The following CNOT8 variants were observed in gnomAD, a reference collection of about 807,000 sequenced individuals.
The protein encoded by CNOT8 is CAF1-like protein.
Under a neutral mutation model 34.6 loss-of-function variants are expected in CNOT8, and 18 were observed. The ratio of observed to expected loss-of-function variants is 0.52; its 90% CI spans 0.36 to 0.77. The LOEUF is 0.77. Among genes scored for constraint, CNOT8 ranks in the 30% least tolerant of loss-of-function variants. CNOT8 has a pLI of 0.00. For missense variants in CNOT8, 189 were observed against 347.9 expected, an observed-to-expected ratio of 0.54 and a Z score of 3.63; for synonymous variants, 101 against 118.8, an observed-to-expected ratio of 0.85 and a Z score of 0.98.
rs770874865 is a variant in CNOT8, at chr5:154,870,641, A to C, written c.312-20A>C. On this transcript the variant is annotated intron_variant, in intron 3 of 6. Coordinates refer to ENST00000285896, the MANE Select transcript of CNOT8 (RefSeq NM_001301073.2). ...TGTTTCATTATTCACCAGTTAATAAATAAACACCTTGTTTTTTAGAGAGGA... is the reference window on the plus strand; with the variant it reads ...TGTTTCATTATTCACCAGTTAATAACTAAACACCTTGTTTTTTAGAGAGGA... 4.4e-6 allele frequency: 7 copies of C among 1,601,598 alleles called. No homozygotes were observed. Among genetic ancestry groups the C allele is most frequent in the Non-Finnish European group, 6.0e-6 (7 of 1,172,134 alleles).
chr5:154,868,286 T>TTG, intron 3 of CNOT8, among the ~76,000 whole-genome samples: 1 of 122,238 alleles, frequency 8.2e-6, no homozygotes. Flanking sequence ...TTTTTTTTTT[T>TTG]GAGGTAATGT....
chr5:154,869,657 G>A (rs1161596173), intron 3 of CNOT8, among the ~76,000 whole-genome samples: 6 of 139,166 alleles, frequency 4.3e-5, no homozygotes, highest in Non-Finnish European at 6.1e-5. Context: ...AGGGAGTCTC[G>A]CTCTGTCATC....
chr5:154,874,567 C>G (rs886357671), intron 6 of CNOT8, among the ~76,000 whole-genome samples: 21 of 152,128 alleles, frequency 1.4e-4, no homozygotes, highest in African/African-American at 5.1e-4. Flanking sequence ...CGGAGTCTTG[C>G]ATTGTCACCC....
intron 3 of CNOT8, among the ~76,000 whole-genome samples, chr5:154,867,199 T>C (rs1170854511): frequency 6.6e-6 from 1 of 152,218 alleles, no homozygotes; most frequent in Non-Finnish European, 1.5e-5. Flanking sequence ...GATATATCTT[T>C]AGAGTGGAAT....
chr5:154,861,937 A>T (rs956085438), intron 1 of CNOT8, among the ~76,000 whole-genome samples: 2 of 152,160 alleles, frequency 1.3e-5, no homozygotes, highest in African/African-American at 4.8e-5. Flanking sequence ...TGACCTTGTG[A>T]TCCGCCCGCC....
chr5:154,861,342 T>C (rs1761318580), intron 1 of CNOT8, among the ~76,000 whole-genome samples: 1 of 152,214 alleles, frequency 6.6e-6, no homozygotes, highest in South Asian at 2.1e-4. Context: ...AGATGCCACA[T>C]AGTCTACTTA....
intron 1 of CNOT8, among the ~76,000 whole-genome samples, chr5:154,861,784 T>G (rs1761366402): frequency 6.6e-6 from 1 of 152,184 alleles, no homozygotes; most frequent in Admixed American, 6.5e-5. Context: ...CTGCAACCTC[T>G]GCCTCCTGGG....
intron 6 of CNOT8, among the ~76,000 whole-genome samples, chr5:154,874,421 CAAAAA>C (rs1252283805): frequency 6.6e-6 from 1 of 151,792 alleles, no homozygotes; most frequent in Non-Finnish European, 1.5e-5. Context: ...ATTAAAAGTA[CAAAAA>C]TTAGTCAGGT....
At chr5:154,863,129 A>G (rs1761513689) in intron 1 of CNOT8, 78 bp from the exon 2 acceptor site, 1 of 631,992 alleles carries the variant, frequency 1.6e-6, no homozygotes, top group Admixed American at 2.6e-5. Context: ...ATTGTAAAAT[A>G]TTATTTTGAT....
chr5:154,870,432 A>G (rs778006077), intron 3 of CNOT8: 36 of 355,718 alleles, frequency 1.0e-4, no homozygotes, highest in Non-Finnish European at 1.5e-4. Flanking sequence ...TATACCTATT[A>G]TAATTAGGAA....
chr5:154,875,377 G>A lies in CNOT8; in HGVS notation c.817G>A (p.Asp273Asn), dbSNP rs2113418936. The change falls in exon 7 of 7, where the codon GAT (aspartate) becomes AAT (asparagine). Residue 273 changes from aspartate to asparagine, a missense_variant. Physicochemically the swap from Asp to Asn is conservative, Grantham distance 23. This residue lies in a region of CNOT8 where 29 missense variants were observed against 26.1 expected (regional missense o/e 1.11). Transcript: ENST00000285896. ...AGGAGTGGCCCAGAAGCAGAATGAG[G>A]ATGTGGACTCTGCCCAGGAGAAGAT... is the stretch of plus-strand genomic sequence containing the variant. ...GTGVAQKQNE[D>N]VDSAQEKMSI... 3 of 1,614,112 alleles carry A rather than the reference G, an allele frequency of 1.9e-6. No individual in the cohort carries two copies. The South Asian group carries it at 3.3e-5, about 18-fold the overall frequency.
chr5:154,870,390 GT>G (rs59523415), intron 3 of CNOT8: 10,379 of 201,358 alleles, frequency 0.052, no homozygotes, highest in South Asian at 0.11. Context: ...GGTGTTATTG[GT>G]TTTTTTTTTT....
intron 6 of CNOT8, among the ~76,000 whole-genome samples, chr5:154,873,778 T>C (rs927495752): frequency 5.9e-5 from 9 of 152,240 alleles, no homozygotes; most frequent in African/African-American, 2.2e-4. Flanking sequence ...CATGTGTTGG[T>C]AAATGTTCTA....
chr5:154,865,367 A>T lies in CNOT8; in HGVS notation c.293A>T (p.Asn98Ile). The change falls in exon 3 of 7, where the codon AAT becomes ATT. Residue 98 changes from asparagine (N) to isoleucine (I), a missense_variant. Physicochemically the swap from Asn to Ile is moderately radical, Grantham distance 149. Coordinates refer to ENST00000285896, the MANE Select transcript of CNOT8 (RefSeq NM_001301073.2). ...TCTGGAATCAATACTTGGCAGTTCA[A>T]TTTCAAATTTAACCTTACGTAAGTG... is the stretch of plus-strand genomic sequence containing the variant. ...YPSGINTWQFNFKFNLTEDMY... is the reference protein window; with the variant it reads ...YPSGINTWQFIFKFNLTEDMY... 3 of 1,579,790 alleles carry T rather than the reference A, an allele frequency of 1.9e-6. No individual in the cohort carries two copies. Among genetic ancestry groups the T allele is most frequent in the Non-Finnish European group, 1.7e-6 (2 of 1,170,598 alleles).
Position 154,865,325 on chromosome 5 carries a change from A to G in CNOT8, c.251A>G (p.Glu84Gly). 1 of 1,612,812 alleles carries G rather than the reference A, an allele frequency of 6.2e-7. No homozygotes were observed. Among genetic ancestry groups the G allele is most frequent in the Non-Finnish European group, 8.5e-7 (1 of 1,179,716 alleles). Residue 84 changes from glutamate to glycine, a missense_variant, in exon 3 of 7, where the codon GAG becomes GGG. Glu to Gly is a moderately conservative substitution (Grantham distance 98, BLOSUM62 -2). Around this residue, in one of 2 missense-constraint regions of CNOT8, gnomAD observed 160 missense variants for 321.9 expected, o/e 0.50. Coordinates refer to ENST00000285896, the MANE Select transcript of CNOT8 (RefSeq NM_001301073.2). Reference protein sequence around the residue: ...IIQLGLTFTNEKGEYPSGINT... With the variant: ...IIQLGLTFTNGKGEYPSGINT... ...CAGCTGGGCCTTACATTCACAAATG[A>G]GAAGGGAGAGTATCCTTCTGGAATC... is the stretch of plus-strand genomic sequence containing the variant.
rs896804691 is a variant in CNOT8 at position 154,875,522 on chromosome 5, A to G, written c.*83A>G. 1 of 1,491,814 alleles carries G rather than the reference A, an allele frequency of 6.7e-7. No individual in the cohort carries two copies. The highest frequency in any genetic ancestry group is 9.1e-7 in the Non-Finnish European group (1 of 1,103,332). 92.4% of individuals were successfully genotyped at this position (1,491,814 alleles called of 1,614,324 possible). On this transcript the variant is annotated 3_prime_UTR_variant, in exon 7 of 7. Coordinates refer to ENST00000285896, the MANE Select transcript of CNOT8 (RefSeq NM_001301073.2). ...GTGTACTTATCTTCCCCAAGAGAAA[A>G]TGCTTCTTTTGAGCACACTGTACCT... is the stretch of plus-strand genomic sequence containing the variant.
chr5:154,875,502 C>T lies in CNOT8; in HGVS notation c.*63C>T. The T allele has an allele frequency of 1.9e-6, 3 of 1,561,782 alleles. No homozygotes were observed. The highest frequency in any genetic ancestry group is 2.6e-6 in the Non-Finnish European group (3 of 1,150,126). Reference sequence around the variant, plus strand: ...TGGTGCTTACTGTGCTGACTGTGTACTTATCTTCCCCAAGAGAAAATGCTT... The same window carrying T: ...TGGTGCTTACTGTGCTGACTGTGTATTTATCTTCCCCAAGAGAAAATGCTT... On this transcript the variant is annotated 3_prime_UTR_variant, in exon 7 of 7. Transcript: ENST00000285896.
In CNOT8 at chr5:154,863,193, GT is replaced by G; in HGVS notation, c.-72-10del. On this transcript the variant is annotated splice_polypyrimidine_tract_variant and intron_variant, in intron 1 of 6. Transcript: ENST00000285896. ...GTGTAAACTTACATGATTTTAAAAT[GT>G]TTTACAATCTAGATCAGACCAAACA... 1.2e-6 allele frequency: 1 copy of G among 865,108 alleles called. No individual in the cohort carries two copies. The highest frequency in any genetic ancestry group is 2.0e-6 in the Non-Finnish European group (1 of 512,246). The allele number at this position is 865,108 out of a possible 1,614,324, so 53.6% of individuals were successfully genotyped here.
At chr5:154,868,137 C>T (rs1043900245) in intron 3 of CNOT8, among the ~76,000 whole-genome samples, 1 of 152,102 alleles carries the variant, frequency 6.6e-6, no homozygotes, top group Admixed American at 6.5e-5. Context: ...CGGGGTTTCA[C>T]CATGTTGGCC....
Sources: allele counts gnomAD v4.1 joint callset (sites outside exome capture counted in the v4.1 genomes callset), GRCh38; gene constraint gnomAD v4.1.1; regional missense constraint gnomAD v4.1.1; transcripts MANE v1.5; gene names NCBI Gene and HGNC (gene_info 2026-07-23, HGNC 2026-07-21).